Variants in CASQ2 observed in about 807,000 individuals in gnomAD.
CASQ2 encodes the protein calsequestrin-2.
CASQ2 carries 49 observed loss-of-function variants against 46.5 expected under a neutral mutation model. That is an observed-to-expected ratio of 1.05 (90% confidence interval 0.84 to 1.34). The LOEUF (loss-of-function observed/expected upper bound fraction) is 1.34. CASQ2 is among the 40% of genes most tolerant of loss of function. The pLI, the probability that CASQ2 is intolerant of heterozygous loss-of-function variation, is 0.00. For synonymous variants in CASQ2, 174 were observed against 168.5 expected (o/e 1.03, Z -0.25); for missense variants, 486 against 481.3 (o/e 1.01, Z -0.09).
At position 115,701,316 on chromosome 1, in the gene CASQ2, A is replaced by T; in HGVS notation, c.1125T>A (p.Asp375Glu). The change falls in exon 11 of 11, where the codon GAT becomes GAA. Residue 375 changes from aspartate to glutamate, a missense_variant. Coordinates refer to ENST00000261448, the MANE Select transcript of CASQ2 (RefSeq NM_001232.4). ...TATCATCATCATCATCATCTTCATC[A>T]TCATCTTCAGTGTTTATCTTTCCAG... is the stretch of plus-strand genomic sequence containing the variant. ...VLSGKINTED[D>E]DEDDDDDDNS... 6.2e-7 allele frequency: 1 copy of T among 1,606,200 alleles called. No individual in the cohort carries two copies. The highest frequency in any genetic ancestry group is 8.5e-7 in the Non-Finnish European group (1 of 1,172,892).
chr1:115,737,213 C>T (rs1647993076), intron 4 of CASQ2, among the ~76,000 whole-genome samples: 5 of 152,168 alleles, frequency 3.3e-5, no homozygotes. Context: ...AGCCACCTCC[C>T]TCTAGCACAT....
rs149361790 is a variant in CASQ2, at chr1:115,728,137, G to A, written c.607-1015C>T. On this transcript the variant is annotated intron_variant, in intron 5 of 10. Transcript: ENST00000261448. ...AGCTGATGCACTGTGGTGGTAACCC[G>A]TGGTGCCGTGACCCAGGGCGGCTGC... Among the ~76,000 whole-genome samples, 368 of 152,296 alleles carry A rather than the reference G, an allele frequency of 2.4e-3. 2 individuals carry two copies. Among genetic ancestry groups the A allele is most frequent in the Non-Finnish European group, 4.3e-3 (294 of 68,020 alleles).
chr1:115,727,212 C>T (rs1239857253), intron 5 of CASQ2, 90 bp from the exon 6 acceptor site: 1 of 1,015,292 alleles, frequency 9.8e-7, no homozygotes, highest in African/African-American at 1.6e-5. Flanking sequence ...TGTATGTTTT[C>T]CGGCAAAGAC....
intron 1 of CASQ2, among the ~76,000 whole-genome samples, chr1:115,766,919 A>ATAAG (rs1553197776): frequency 6.7e-6 from 1 of 149,428 alleles, no homozygotes; most frequent in Non-Finnish European, 1.5e-5. Context: ...AGATAGATAG[A>ATAAG]AGGATGATAG....
intron 4 of CASQ2, among the ~76,000 whole-genome samples, 171 bp from the exon 5 acceptor site, chr1:115,733,145 C>A (rs1214247925): frequency 2.6e-5 from 4 of 152,098 alleles, no homozygotes; most frequent in African/African-American, 9.7e-5. Flanking sequence ...CATAGTTCCC[C>A]CCAAGGAGTT....
At chr1:115,751,433 G>GC (rs36036073) in intron 1 of CASQ2, among the ~76,000 whole-genome samples, 92,382 of 151,446 alleles carry the variant, frequency 0.61, 28,847 homozygotes, top group Non-Finnish European at 0.68. Flanking sequence ...ACTTTGGGAG[G>GC]CGAGGCAGGC....
chr1:115,758,440 G>T (rs561555139), intron 1 of CASQ2, among the ~76,000 whole-genome samples: 61 of 152,276 alleles, frequency 4.0e-4, no homozygotes, highest in African/African-American at 1.4e-3. Context: ...AGGTGCTGGG[G>T]TATAGCAATG....
Position 115,714,763 on chromosome 1 carries a change from G to A in CASQ2, c.838+3077C>T, listed in dbSNP as rs555900672. On this transcript the variant is annotated intron_variant, in intron 8 of 10. Coordinates refer to ENST00000261448, the MANE Select transcript of CASQ2 (RefSeq NM_001232.4). The stretch of plus-strand genomic sequence containing the variant: ...ACAAGTCTTTCCCTTTCCCAACCCT[G>A]AGTGGCAAGGCCCTTGCTCACAGAA... Among the ~76,000 whole-genome samples, 24 of 152,282 alleles carry A rather than the reference G, an allele frequency of 1.6e-4. 1 individual carries two copies. The East Asian group carries it at 4.6e-3, about 29-fold the overall frequency.
At chr1:115,707,650 T>A (rs150726445) in intron 8 of CASQ2, among the ~76,000 whole-genome samples, 1 of 152,344 alleles carries the variant, frequency 6.6e-6, no homozygotes, top group East Asian at 1.9e-4. Flanking sequence ...GCCACCTTGG[T>A]TATCTGTAGA....
chr1:115,756,696 C>G (rs1648774732), intron 1 of CASQ2, among the ~76,000 whole-genome samples: 1 of 152,146 alleles, frequency 6.6e-6, no homozygotes. Context: ...CCTGTAATCC[C>G]AGCACTTTGG....
rs1428001465 is a variant in CASQ2, at chr1:115,700,420, CCAAT to C, written c.*817_*820del. ...AGCTTAGGCTAGGAAGCCAGCTGAC[CCAAT>C]CAGAGACATGAACCCATCAGAAAAA... On this transcript the variant is annotated 3_prime_UTR_variant, in exon 11 of 11. Coordinates refer to ENST00000261448, the MANE Select transcript of CASQ2 (RefSeq NM_001232.4). 1 of 152,392 alleles carries C rather than the reference CCAAT, an allele frequency of 6.6e-6. No individual in the cohort carries two copies. Among genetic ancestry groups the C allele is most frequent in the East Asian group, 1.9e-4 (1 of 5,180 alleles). 9.4% of individuals were successfully genotyped at this position (152,392 alleles called of 1,614,324 possible).
rs760173068 is a variant in CASQ2, at chr1:115,732,994, T to C, written c.533-20A>G. The C allele has an allele frequency of 3.8e-6, 6 of 1,568,292 alleles. No individual in the cohort carries two copies. Among genetic ancestry groups the C allele is most frequent in the Non-Finnish European group, 5.3e-6 (6 of 1,138,600 alleles). ...TGTAGTCTAAGGGGAAAAATAAAGA[T>C]GAAGGGAGAGACATTTTCAAGATGA... On this transcript the variant is annotated intron_variant, in intron 4 of 10. Transcript: ENST00000261448.
chr1:115,704,012 A>C (rs888177513), intron 9 of CASQ2, among the ~76,000 whole-genome samples: 8 of 152,210 alleles, frequency 5.3e-5, no homozygotes, highest in Non-Finnish European at 1.2e-4. Flanking sequence ...ACCAGGCAGA[A>C]GCTATATCAA....
At chr1:115,719,512 C>T (rs889835636) in intron 7 of CASQ2, among the ~76,000 whole-genome samples, 4 of 152,210 alleles carry the variant, frequency 2.6e-5, no homozygotes, top group Admixed American at 6.5e-5. Flanking sequence ...GAAGGCTGCT[C>T]ATAATACGGC....
At chr1:115,748,421 A>G (rs1648460109) in intron 1 of CASQ2, among the ~76,000 whole-genome samples, 1 of 152,160 alleles carries the variant, frequency 6.6e-6, no homozygotes, top group Middle Eastern at 3.4e-3. Context: ...AAGGATTGTG[A>G]GCAGAAGCAC....
chr1:115,736,675 C>T (rs1326922209), intron 4 of CASQ2, among the ~76,000 whole-genome samples: 3 of 152,062 alleles, frequency 2.0e-5, no homozygotes, highest in Non-Finnish European at 2.9e-5. Flanking sequence ...ATAAGATTCT[C>T]ATTCAAAATT....
intron 8 of CASQ2, among the ~76,000 whole-genome samples, chr1:115,707,141 C>T (rs903125648): frequency 1.3e-5 from 2 of 152,050 alleles, no homozygotes; most frequent in African/African-American, 2.4e-5. Flanking sequence ...GTCAGCCTCA[C>T]AAGTAGCTAA....
intron 4 of CASQ2, 146 bp from the exon 5 acceptor site, chr1:115,733,120 AATATT>A (rs1195732654): frequency 3.5e-6 from 2 of 579,650 alleles, no homozygotes; most frequent in Non-Finnish European, 6.0e-6. Flanking sequence ...GATGTTATTT[AATATT>A]ATTTAAGCCC....
In CASQ2 at chr1:115,744,837, T is replaced by C; in HGVS notation, c.310A>G (p.Lys104Glu). ...VDAKKEAKLA[K>E]KLGFDEEGSL... ...CAAAAATCACACTTACCCAGTTTCT[T>C]GGCAAGCTTGGCTTCTTTCTTGGCA... Residue 104 changes from lysine (K) to glutamate (E), a missense_variant, in exon 2 of 11, where the codon AAG becomes GAG. Transcript: ENST00000261448. 2.5e-6 allele frequency: 4 copies of C among 1,612,478 alleles called. No individual in the cohort carries two copies. The highest frequency in any genetic ancestry group is 3.4e-6 in the Non-Finnish European group (4 of 1,178,530).
Sources: gnomAD v4.1 joint callset for allele counts (sites outside exome capture counted in the v4.1 genomes callset) on GRCh38, gnomAD v4.1.1 for gene constraint, MANE v1.5 for transcripts, NCBI Gene and HGNC (gene_info 2026-07-23, HGNC 2026-07-21) for gene names.